The following SOS2 variants were observed in gnomAD, a reference collection of about 807,000 sequenced individuals.
The protein encoded by SOS2 is SOS Ras/Rho guanine nucleotide exchange factor 2, also known as son of sevenless homolog 2.
SOS2 carries 65 observed loss-of-function variants against 148.2 expected under a neutral mutation model. The observed-to-expected ratio is 0.44, with a 90% CI of 0.36 to 0.54. The LOEUF (loss-of-function observed/expected upper bound fraction) is 0.54. Among genes scored for constraint, SOS2 ranks in the 20% least tolerant of loss-of-function variants. The pLI is 0.00. For synonymous variants in SOS2, 539 were observed against 537.1 expected, an observed-to-expected ratio of 1.00 and a Z score of -0.05; for missense variants, 1,341 against 1,590.2, an observed-to-expected ratio of 0.84 and a Z score of 2.67.
intron 1 of SOS2, among the ~76,000 whole-genome samples, chr14:50,210,679 A>T (rs1886839730): frequency 6.8e-6 from 1 of 146,108 alleles, no homozygotes; most frequent in South Asian, 2.2e-4. Context: ...AACTCCTAAA[A>T]ATTCAGTAAG....
chr14:50,224,191 TGA>T (rs1342016680), intron 1 of SOS2, among the ~76,000 whole-genome samples: 1 of 150,732 alleles, frequency 6.6e-6, no homozygotes, highest in African/African-American at 2.4e-5. Flanking sequence ...CTCGGGAGGC[TGA>T]GACAGGAGAA....
intron 1 of SOS2, among the ~76,000 whole-genome samples, chr14:50,229,390 T>C (rs1204517464): frequency 2.6e-5 from 4 of 151,974 alleles, no homozygotes; most frequent in African/African-American, 9.7e-5. Context: ...TATAACATAG[T>C]ATCTACAAGG....
chr14:50,150,172 T>G lies in SOS2; in HGVS notation c.2220A>C (p.Gln740His), dbSNP rs576277421. The G allele has an allele frequency of 2.8e-5, 45 of 1,613,720 alleles. No homozygotes were observed. In the Admixed American group the frequency reaches 6.8e-4, roughly 25 times the overall value. Reference sequence around the variant, plus strand: ...TATGGCTTACTCCGTTTGCCTGAGCTTGCTTCTTCCTCCTGATGATCTTAG... The same window carrying G: ...TATGGCTTACTCCGTTTGCCTGAGCGTGCTTCTTCCTCCTGATGATCTTAG... The part of the protein sequence containing the change: ...SIAKIIRRKK[Q>H]AQANGVSHNI... Residue 740 changes from glutamine (Q) to histidine (H), a missense_variant, in exon 14 of 23, where the codon CAA (glutamine) becomes CAC (histidine). Gln to His is a conservative substitution (Grantham distance 24). Transcript: ENST00000216373.
At chr14:50,170,172 A>G (rs2139664225) in intron 8 of SOS2, among the ~76,000 whole-genome samples, 1 of 150,302 alleles carries the variant, frequency 6.7e-6, no homozygotes, top group Non-Finnish European at 1.5e-5. Context: ...GGCTCAAGTG[A>G]CCTTCTCACC....
At chr14:50,136,307 G>A (rs1466139671) in intron 18 of SOS2, among the ~76,000 whole-genome samples, 2 of 152,110 alleles carry the variant, frequency 1.3e-5, no homozygotes, top group African/African-American at 4.8e-5. Flanking sequence ...TATTTTGTTT[G>A]ACTCAATCAT....
intron 7 of SOS2, among the ~76,000 whole-genome samples, chr14:50,176,600 T>C (rs910826966): frequency 3.9e-5 from 6 of 152,258 alleles, no homozygotes; most frequent in African/African-American, 1.4e-4. Flanking sequence ...ATGCTTTATA[T>C]ATACATTACC....
intron 21 of SOS2, among the ~76,000 whole-genome samples, chr14:50,122,001 C>A (rs1416015173): frequency 2.0e-5 from 3 of 152,166 alleles, no homozygotes. Flanking sequence ...TTTTTATCTA[C>A]CTCTCTTTCA....
At chr14:50,126,632 T>C (rs976281064) in intron 21 of SOS2, among the ~76,000 whole-genome samples, 1 of 151,764 alleles carries the variant, frequency 6.6e-6, no homozygotes, top group African/African-American at 2.4e-5. Context: ...TTTAAAATTA[T>C]GACAGATGAA....
chr14:50,135,092 AGAAAG>A lies in SOS2; in HGVS notation c.2959-858_2959-854del, dbSNP rs1566821500. On this transcript the variant is annotated intron_variant, in intron 18 of 22. Transcript: ENST00000216373. ...GTCTCAAAAAAAAAAAAAAAAAAAA[AGAAAG>A]AAAGAAAGAAAGAAAGAAAGAATGA... 7.0e-5 allele frequency among the ~76,000 whole-genome samples: 6 copies of A among 85,762 alleles called. No homozygotes were observed. The South Asian group carries it at 1.4e-3, about 20-fold the overall frequency. The allele number at this position is 85,762 out of a possible 152,430, so 56.3% of individuals were successfully genotyped here.
rs142022441 is a variant in SOS2, at chr14:50,138,403, C to T, written c.2958+209G>A. 0.035 allele frequency among the ~76,000 whole-genome samples: 5,369 copies of T among 152,096 alleles called. 327 individuals carry two copies. The highest frequency in any genetic ancestry group is 0.12 in the African/African-American group (4,954 of 41,442). On this transcript the variant is annotated intron_variant, in intron 18 of 22. Coordinates refer to ENST00000216373, the MANE Select transcript of SOS2 (RefSeq NM_006939.4). ...CTCCAACTCCTGATCTCAAGCGATC[C>T]GCCCGCCTTGGCCTCCCAAAGTGCT... is the stretch of plus-strand genomic sequence containing the variant.
chr14:50,143,688 C>T (rs960983515), intron 16 of SOS2, among the ~76,000 whole-genome samples: 4 of 152,074 alleles, frequency 2.6e-5, no homozygotes, highest in Admixed American at 6.6e-5. Flanking sequence ...GTGATCCACC[C>T]GCCTCGGCCT....
intron 1 of SOS2, among the ~76,000 whole-genome samples, chr14:50,209,324 T>TCC (rs1886786501): frequency 6.7e-5 from 10 of 149,948 alleles, no homozygotes; most frequent in Admixed American, 4.0e-4. Context: ...TGTGTGTGTC[T>TCC]CCTATTGGTT....
intron 19 of SOS2, among the ~76,000 whole-genome samples, chr14:50,133,456 TC>T (rs1247966008): frequency 6.6e-6 from 1 of 152,084 alleles, no homozygotes; most frequent in African/African-American, 2.4e-5. Flanking sequence ...TGCCTTGGTC[TC>T]CCAATGTGCT....
At chr14:50,192,847 G>A (rs1886190205) in intron 4 of SOS2, among the ~76,000 whole-genome samples, 1 of 151,902 alleles carries the variant, frequency 6.6e-6, no homozygotes, top group South Asian at 2.1e-4. Flanking sequence ...CTGGTTGAGA[G>A]AGTGAGAGTC....
intron 21 of SOS2, among the ~76,000 whole-genome samples, chr14:50,125,202 G>A (rs979151734): frequency 6.6e-6 from 1 of 152,180 alleles, no homozygotes; most frequent in South Asian, 2.1e-4. Flanking sequence ...AACATACCGC[G>A]AGAAGACAGC....
intron 18 of SOS2, among the ~76,000 whole-genome samples, chr14:50,135,498 T>C (rs1884046596): frequency 6.6e-6 from 1 of 150,766 alleles, no homozygotes; most frequent in Admixed American, 6.6e-5. Flanking sequence ...CCAATGATTT[T>C]ACTGTGCATG....
chr14:50,197,121 G>C (rs1162940319), intron 4 of SOS2, among the ~76,000 whole-genome samples: 2 of 152,066 alleles, frequency 1.3e-5, no homozygotes, highest in Middle Eastern at 3.2e-3. Context: ...CCAAAGTGCT[G>C]GGATTACAGG....
In SOS2 at chr14:50,213,021, C is replaced by T. The variant is rs567512784; in HGVS notation, c.88-8612G>A. On this transcript the variant is annotated intron_variant, in intron 1 of 22. Transcript: ENST00000216373. The stretch of plus-strand genomic sequence containing the variant: ...GTAGTCTTTCTCATTAACCTTCTGT[C>T]ATTTGTACTACACTAAAACAAGGGT... Among the ~76,000 whole-genome samples the T allele has an allele frequency of 5.9e-5, 9 of 152,230 alleles. No homozygotes were observed. In the South Asian group the frequency reaches 1.7e-3, roughly 28 times the overall value.
At chr14:50,190,831 C>T (rs1416696479) in intron 4 of SOS2, among the ~76,000 whole-genome samples, 1 of 152,180 alleles carries the variant, frequency 6.6e-6, no homozygotes, top group Non-Finnish European at 1.5e-5. Flanking sequence ...ATCATCCCCA[C>T]TTCCCAGCCA....
Sources: gnomAD v4.1 joint callset for allele counts (sites outside exome capture counted in the v4.1 genomes callset) on GRCh38, gnomAD v4.1.1 for gene constraint, MANE v1.5 for transcripts, NCBI Gene and HGNC (gene_info 2026-07-23, HGNC 2026-07-21) for gene names.